The following SCIN variants were observed in gnomAD, a reference collection of about 807,000 sequenced individuals.
SCIN encodes the protein scinderin.
A neutral mutation model predicts 91.8 loss-of-function variants in SCIN; 91 were observed. The observed-to-expected ratio is 0.99, with a 90% CI of 0.84 to 1.18. The LOEUF (loss-of-function observed/expected upper bound fraction) is 1.18. SCIN is among the 50% of genes most tolerant of loss of function. The pLI is 0.00. For synonymous variants in SCIN, 367 were observed against 312.6 expected (o/e 1.17, Z -1.84); for missense variants, 1,087 against 863.9 (o/e 1.26, Z -3.24).
chr7:12,616,831 A>G lies in SCIN; in HGVS notation c.667-5970A>G, dbSNP rs138593436. 9.7e-4 allele frequency among the ~76,000 whole-genome samples: 148 copies of G among 152,260 alleles called. 2 individuals carry two copies. Among genetic ancestry groups the G allele is most frequent in the African/African-American group, 3.0e-3 (123 of 41,560 alleles). On this transcript the variant is annotated intron_variant, in intron 4 of 15. Transcript: ENST00000297029. ...ATAGACAACACAATTGTGGACTTCA[A>G]TGAAAGGAAGAGATTACTATATCAT...
Position 12,604,591 on chromosome 7 carries a change from G to C in SCIN, c.594G>C (p.Arg198=). Residue 198 remains arginine (R), a synonymous_variant, in exon 4 of 16, where the codon CGG becomes CGC. Coordinates refer to ENST00000297029, the MANE Select transcript of SCIN (RefSeq NM_001112706.3). ...LKANQVATGI[R]YNERKGRSEL... ...CAAACCAGGTAGCTACTGGCATTCG[G>C]TACAATGAAAGGAAAGGAAGGTCTG... 6.4e-7 allele frequency: 1 copy of C among 1,552,056 alleles called. No homozygotes were observed. Among genetic ancestry groups the C allele is most frequent in the Non-Finnish European group, 8.7e-7 (1 of 1,147,054 alleles).
chr7:12,586,452 C>G (rs1260271033), intron 3 of SCIN, among the ~76,000 whole-genome samples: 4 of 151,974 alleles, frequency 2.6e-5, no homozygotes, highest in Non-Finnish European at 5.9e-5. Context: ...CATGAGGATG[C>G]CGAGAAAAGG....
intron 1 of SCIN, 139 bp from the exon 2 acceptor site, chr7:12,577,925 A>G: frequency 1.4e-6 from 1 of 717,506 alleles, no homozygotes. Flanking sequence ...ACAGTATTTT[A>G]GCTAAAAGAT....
intron 4 of SCIN, among the ~76,000 whole-genome samples, chr7:12,609,328 G>A (rs1783144769): frequency 6.6e-6 from 1 of 152,110 alleles, no homozygotes; most frequent in Admixed American, 6.6e-5. Context: ...GCTTGTTTTT[G>A]CTGCAAATAT....
chr7:12,651,923 T>C lies in SCIN; in HGVS notation c.2020+22T>C, dbSNP rs199948019. 2.1e-5 allele frequency: 33 copies of C among 1,551,300 alleles called. No homozygotes were observed. In the African/African-American group the frequency reaches 3.7e-4, roughly 17 times the overall value. On this transcript the variant is annotated intron_variant, in intron 15 of 15. Transcript: ENST00000297029. The surrounding 1 kb of genome is among the most constrained non-coding windows in gnomAD (Gnocchi z 5.9). ...TCTGGTAAGCTCAATCGATGGACCA[T>C]TATAGCAGTAACCGGGCACCATTAT...
intron 4 of SCIN, among the ~76,000 whole-genome samples, chr7:12,613,532 C>T (rs927110107): frequency 1.3e-5 from 2 of 152,178 alleles, no homozygotes; most frequent in East Asian, 3.9e-4. Flanking sequence ...AGGAAATATG[C>T]TCACATATTG....
Sources: gnomAD v4.1 joint callset for allele counts (sites outside exome capture counted in the v4.1 genomes callset) on GRCh38, gnomAD v4.1.1 for gene constraint, Gnocchi (gnomAD v3.1) non-coding constraint, MANE v1.5 for transcripts, NCBI Gene and HGNC (gene_info 2026-07-23, HGNC 2026-07-21) for gene names.